Variants in HS6ST3 observed in about 807,000 individuals in gnomAD.
HS6ST3 encodes heparan-sulfate 6-O-sulfotransferase 3.
A neutral mutation model predicts 36.7 loss-of-function variants in HS6ST3; 12 were observed. The observed-to-expected ratio is 0.33, with a 90% CI of 0.21 to 0.53. The LOEUF is 0.53. Among genes scored for constraint, HS6ST3 ranks in the 20% least tolerant of loss-of-function variants. HS6ST3 has a pLI of 0.95. For synonymous variants in HS6ST3, 240 were observed against 257.5 expected, an observed-to-expected ratio of 0.93 and a Z score of 0.65; for missense variants, 584 against 640.9, an observed-to-expected ratio of 0.91 and a Z score of 0.96.
In HS6ST3 at chr13:96,700,093, G is replaced by T. The variant is rs577877011; in HGVS notation, c.708-132397G>T. Among the ~76,000 whole-genome samples, 9 of 152,250 alleles carry T rather than the reference G, an allele frequency of 5.9e-5. No individual in the cohort carries two copies. The East Asian group carries it at 1.7e-3, about 29-fold the overall frequency. On this transcript the variant is annotated intron_variant, in intron 1 of 1. Coordinates refer to ENST00000376705, the MANE Select transcript of HS6ST3 (RefSeq NM_153456.4). ...TTTTCATCAGTGTATACCTTAGACA[G>T]CTCTCCTGTATTAGTCCATTTTCAC...
intron 1 of HS6ST3, among the ~76,000 whole-genome samples, chr13:96,474,704 A>T (rs1258656135): frequency 2.6e-5 from 4 of 152,214 alleles, no homozygotes; most frequent in Non-Finnish European, 5.9e-5. Flanking sequence ...GAAGCCCAGA[A>T]AAAACGACCT....
At chr13:96,258,659 C>G (rs937351365) in intron 1 of HS6ST3, among the ~76,000 whole-genome samples, 26 of 152,152 alleles carry the variant, frequency 1.7e-4, no homozygotes, top group Admixed American at 1.3e-3. Context: ...CTTGGTCATA[C>G]AGATCAATGC....
At chr13:96,628,578 A>C (rs1371058306) in intron 1 of HS6ST3, among the ~76,000 whole-genome samples, 1 of 152,086 alleles carries the variant, frequency 6.6e-6, no homozygotes, top group Non-Finnish European at 1.5e-5. Flanking sequence ...ATTGCATTAA[A>C]AGTTCCCAAT....
intron 1 of HS6ST3, among the ~76,000 whole-genome samples, chr13:96,372,112 G>T (rs1198044778): frequency 6.6e-6 from 1 of 152,078 alleles, no homozygotes; most frequent in East Asian, 1.9e-4. Flanking sequence ...CAATATATAA[G>T]GGTTACCTTT....
At chr13:96,647,573 A>C (rs2056593256) in intron 1 of HS6ST3, among the ~76,000 whole-genome samples, 1 of 152,058 alleles carries the variant, frequency 6.6e-6, no homozygotes, top group Admixed American at 6.6e-5. Context: ...AGTCTGGGAA[A>C]CCACATTGAC....
intron 1 of HS6ST3, among the ~76,000 whole-genome samples, chr13:96,328,664 C>T (rs373495946): frequency 2.0e-4 from 30 of 151,848 alleles, no homozygotes; most frequent in East Asian, 1.4e-3. Context: ...TGTCTCTGCC[C>T]GGCTTTGGTA....
intron 1 of HS6ST3, among the ~76,000 whole-genome samples, chr13:96,731,401 T>A (rs1288602145): frequency 6.6e-6 from 1 of 152,208 alleles, no homozygotes; most frequent in Non-Finnish European, 1.5e-5. Flanking sequence ...GGTTCATCCA[T>A]GTTGTCGCAA....
At chr13:96,175,663 C>G (rs1204054581) in intron 1 of HS6ST3, among the ~76,000 whole-genome samples, 1 of 144,272 alleles carries the variant, frequency 6.9e-6, no homozygotes, top group Non-Finnish European at 1.5e-5. Flanking sequence ...ATTACTTCAA[C>G]TTAATCTTCT....
intron 1 of HS6ST3, among the ~76,000 whole-genome samples, chr13:96,773,745 C>T (rs1305099467): frequency 6.6e-6 from 1 of 152,164 alleles, no homozygotes; most frequent in Non-Finnish European, 1.5e-5. Flanking sequence ...CAGCTGTGGG[C>T]GCAGCTTCAG....
intron 1 of HS6ST3, among the ~76,000 whole-genome samples, chr13:96,149,243 A>G (rs901465728): frequency 6.6e-6 from 1 of 152,136 alleles, no homozygotes; most frequent in Non-Finnish European, 1.5e-5. Flanking sequence ...GTAGAAAACT[A>G]TTCTTGGTGA....
chr13:96,361,049 G>T (rs2055236261), intron 1 of HS6ST3, among the ~76,000 whole-genome samples: 1 of 151,994 alleles, frequency 6.6e-6, no homozygotes, highest in Non-Finnish European at 1.5e-5. Flanking sequence ...CACTATGCAA[G>T]AATGGTATAT....
At chr13:96,477,290 C>T (rs968042555) in intron 1 of HS6ST3, among the ~76,000 whole-genome samples, 3 of 152,116 alleles carry the variant, frequency 2.0e-5, no homozygotes, top group Non-Finnish European at 2.9e-5. Context: ...GAGAGGGATG[C>T]GAATGGAATT....
At chr13:96,742,563 G>C (rs1338664445) in intron 1 of HS6ST3, among the ~76,000 whole-genome samples, 3 of 152,022 alleles carry the variant, frequency 2.0e-5, no homozygotes, top group African/African-American at 7.2e-5. Flanking sequence ...GCTACCTGTT[G>C]CTGTAAAATT....
chr13:96,779,641 C>T (rs1175316380), intron 1 of HS6ST3, among the ~76,000 whole-genome samples: 1 of 151,718 alleles, frequency 6.6e-6, no homozygotes, highest in Non-Finnish European at 1.5e-5. Flanking sequence ...AAGGTGGAAA[C>T]GTAGAGTGGA....
chr13:96,654,194 T>G (rs997972649), intron 1 of HS6ST3, among the ~76,000 whole-genome samples: 3 of 152,038 alleles, frequency 2.0e-5, no homozygotes, highest in Admixed American at 1.3e-4. Flanking sequence ...TTTTGCTGTG[T>G]AGAAGCTCTT....
chr13:96,660,796 T>G (rs531291163), intron 1 of HS6ST3, among the ~76,000 whole-genome samples: 15 of 152,234 alleles, frequency 9.9e-5, no homozygotes, highest in African/African-American at 3.1e-4. Context: ...TATCTTGGTG[T>G]TTCTGGGAGT....
rs1878939295 is a variant in HS6ST3 at position 96,836,878 on chromosome 13, C to A, written c.*3680C>A. ...TGATGTTACCAGACGCCTAGGCCCT[C>A]TCCTGTTGCTCTGTCATCCTAATGT... On this transcript the variant is annotated 3_prime_UTR_variant, in exon 2 of 2. Transcript: ENST00000376705. 1 of 152,236 alleles carries A rather than the reference C, an allele frequency of 6.6e-6. No individual in the cohort carries two copies. 9.4% of individuals were successfully genotyped at this position (152,236 alleles called of 1,614,324 possible). A position where few individuals can be genotyped will look rare whatever the true frequency, so the allele number is the denominator to read the frequency against.
rs1411929139 is a variant in HS6ST3, at chr13:96,163,359, A to G, written c.707+71790A>G. On this transcript the variant is annotated intron_variant, in intron 1 of 1. Coordinates refer to ENST00000376705, the MANE Select transcript of HS6ST3 (RefSeq NM_153456.4). ...ATTCTCCTGCCTTAGCCTCCTGAGT[A>G]TCTGGGACTACAGGCGCCCACCACC... 2.0e-5 allele frequency among the ~76,000 whole-genome samples: 3 copies of G among 149,880 alleles called. No homozygotes were observed. The South Asian group carries it at 6.3e-4, about 31-fold the overall frequency.
chr13:96,216,815 C>T (rs1036430411), intron 1 of HS6ST3, among the ~76,000 whole-genome samples: 1 of 152,132 alleles, frequency 6.6e-6, no homozygotes, highest in African/African-American at 2.4e-5. Context: ...TATTTTCATT[C>T]AGCACACTAA....
Sources: gnomAD v4.1 joint callset for allele counts (sites outside exome capture counted in the v4.1 genomes callset) on GRCh38, gnomAD v4.1.1 for gene constraint, MANE v1.5 for transcripts, NCBI Gene and HGNC (gene_info 2026-07-23, HGNC 2026-07-21) for gene names.